The following SPECC1 variants were observed in gnomAD, a reference collection of about 807,000 sequenced individuals.
The protein encoded by SPECC1 is cytospin-B.
A neutral mutation model predicts 104.1 loss-of-function variants in SPECC1; 62 were observed. The ratio of observed to expected loss-of-function variants is 0.60; its 90% CI spans 0.49 to 0.74. The LOEUF (loss-of-function observed/expected upper bound fraction) is 0.74. Among genes scored for constraint, SPECC1 ranks in the 30% least tolerant of loss-of-function variants. SPECC1 has a pLI of 0.00. For synonymous variants in SPECC1, 513 were observed against 501.6 expected, an observed-to-expected ratio of 1.02 and a Z score of -0.30; for missense variants, 1,306 against 1,310.5, an observed-to-expected ratio of 1.00 and a Z score of 0.05.
At chr17:20,180,182 A>T (rs2034773737) in intron 3 of SPECC1, among the ~76,000 whole-genome samples, 1 of 152,184 alleles carries the variant, frequency 6.6e-6, no homozygotes, top group African/African-American at 2.4e-5. Flanking sequence ...GGAAGGAATA[A>T]AGAGAAGTAA....
chr17:20,109,704 C>T (rs1426143660), intron 2 of SPECC1, among the ~76,000 whole-genome samples: 1 of 152,140 alleles, frequency 6.6e-6, no homozygotes, highest in Non-Finnish European at 1.5e-5. Context: ...TTGTTTCTCT[C>T]CCTCCACCTC....
chr17:20,165,006 T>A (rs1045183015), intron 3 of SPECC1, among the ~76,000 whole-genome samples: 2 of 152,162 alleles, frequency 1.3e-5, no homozygotes, highest in African/African-American at 4.8e-5. Context: ...GTATCTTTTT[T>A]AAAAAAATTA....
chr17:20,266,090 GT>G (rs1357373948), intron 12 of SPECC1, among the ~76,000 whole-genome samples: 1 of 152,148 alleles, frequency 6.6e-6, no homozygotes, highest in Non-Finnish European at 1.5e-5. Flanking sequence ...TTTTAGAATA[GT>G]TTTTTCTAAT....
At chr17:20,283,866 G>A (rs2040856741) in intron 12 of SPECC1, among the ~76,000 whole-genome samples, 1 of 152,148 alleles carries the variant, frequency 6.6e-6, no homozygotes, top group South Asian at 2.1e-4. Context: ...TAGGATTATA[G>A]GCATGAGCTA....
rs1210139280 is a variant in SPECC1, at chr17:20,169,526, AT to A, written c.284-34794del. 2.7e-3 allele frequency among the ~76,000 whole-genome samples: 389 copies of A among 146,008 alleles called. 2 individuals carry two copies. Among genetic ancestry groups the A allele is most frequent in the African/African-American group, 5.5e-3 (221 of 40,204 alleles). On this transcript the variant is annotated intron_variant, in intron 3 of 14. Transcript: ENST00000395527. ...GGTTTTTCTAAATCTTCCTTTTGGA[AT>A]TTTTTTTTTTTTAACATGAAAGGTG...
At chr17:20,034,046 A>G in intron 1 of SPECC1, among the ~76,000 whole-genome samples, 1 of 152,086 alleles carries the variant, frequency 6.6e-6, no homozygotes, top group Non-Finnish European at 1.5e-5. Flanking sequence ...TACTAATACA[A>G]TTAAATTCTG....
chr17:20,217,918 G>T (rs1274475180), intron 4 of SPECC1, among the ~76,000 whole-genome samples: 1 of 152,004 alleles, frequency 6.6e-6, no homozygotes, highest in Non-Finnish European at 1.5e-5. Flanking sequence ...TATAGTCCTG[G>T]CTCTGAGGGA....
At chr17:20,151,755 A>G (rs1399859398) in intron 3 of SPECC1, among the ~76,000 whole-genome samples, 2 of 152,188 alleles carry the variant, frequency 1.3e-5, no homozygotes, top group Non-Finnish European at 2.9e-5. Context: ...ACTGCTTTTT[A>G]AAATTATCCA....
chr17:20,215,536 A>T (rs992620897), intron 4 of SPECC1, among the ~76,000 whole-genome samples: 3 of 152,242 alleles, frequency 2.0e-5, no homozygotes, highest in Non-Finnish European at 4.4e-5. Flanking sequence ...GAATTTACTC[A>T]GAACTTATTA....
At chr17:20,093,068 C>A (rs2047474905) in intron 1 of SPECC1, among the ~76,000 whole-genome samples, 1 of 152,216 alleles carries the variant, frequency 6.6e-6, no homozygotes, top group African/African-American at 2.4e-5. Context: ...GTTTCCCCAC[C>A]TGTGAAATGG....
chr17:20,159,922 G>A (rs1243144730), intron 3 of SPECC1, among the ~76,000 whole-genome samples: 1 of 152,112 alleles, frequency 6.6e-6, no homozygotes, highest in Non-Finnish European at 1.5e-5. Context: ...GGCCTGGCAG[G>A]GTTGTAGCAA....
chr17:20,269,511 C>G (rs1001250638), intron 12 of SPECC1, among the ~76,000 whole-genome samples: 3 of 152,152 alleles, frequency 2.0e-5, no homozygotes, highest in Admixed American at 1.3e-4. Flanking sequence ...CCACAACCTC[C>G]GCTCCCGGGT....
At chr17:20,222,199 G>T (rs1434465634) in intron 4 of SPECC1, among the ~76,000 whole-genome samples, 1 of 152,024 alleles carries the variant, frequency 6.6e-6, no homozygotes. Context: ...TGGGTGTGGT[G>T]GCATGCACCT....
In SPECC1 at chr17:20,204,464, A is replaced by G. The variant is rs1379030400; in HGVS notation, c.415A>G (p.Asn139Asp). ...RKSVSSPTSS[N>D]TPTPTKHLRT... The stretch of plus-strand genomic sequence containing the variant: ...ATCAGTGTCCAGTCCAACTTCTTCC[A>G]ACACTCCCACTCCTACGAAACACCT... Residue 139 changes from asparagine to aspartate, a missense_variant, in exon 4 of 15, where the codon AAC becomes GAC. By Grantham distance (23) the Asn-to-Asp change is conservative. This residue lies in a region of SPECC1 where 1,177 missense variants were observed against 1,139.9 expected (regional missense o/e 1.03). Transcript: ENST00000395527. 1 of 1,614,056 alleles carries G rather than the reference A, an allele frequency of 6.2e-7. No homozygotes were observed. The highest frequency in any genetic ancestry group is 1.7e-5 in the Admixed American group (1 of 59,996).
intron 3 of SPECC1, among the ~76,000 whole-genome samples, chr17:20,129,206 G>C (rs1443989242): frequency 6.9e-6 from 1 of 144,178 alleles, no homozygotes; most frequent in Non-Finnish European, 1.5e-5. Flanking sequence ...TTTTTTTTGA[G>C]ACGGAGTCTC....
intron 2 of SPECC1, 85 bp from the exon 3 acceptor site, chr17:20,110,342 C>T: frequency 6.8e-7 from 1 of 1,476,702 alleles, no homozygotes; most frequent in Non-Finnish European, 9.1e-7. Context: ...GGGCACATAG[C>T]CCAGCTCCCA....
At chr17:20,063,529 A>G (rs773530087) in intron 1 of SPECC1, among the ~76,000 whole-genome samples, 20 of 152,144 alleles carry the variant, frequency 1.3e-4, no homozygotes, top group Admixed American at 8.5e-4. Flanking sequence ...TGTTTAATTA[A>G]TTGCCGTTTT....
rs530058342 is a variant in SPECC1, at chr17:20,025,519, A to C, written c.-22+16095A>C. ...ACTTAGCATAAGGTTTCCGAGATTCATCCTTGTAGCATGTAGCTGGATGTC... is the reference window on the plus strand; with the variant it reads ...ACTTAGCATAAGGTTTCCGAGATTCCTCCTTGTAGCATGTAGCTGGATGTC... On this transcript the variant is annotated intron_variant, in intron 1 of 14. Coordinates refer to ENST00000395527, the MANE Select transcript of SPECC1 (RefSeq NM_001243439.2). Among the ~76,000 whole-genome samples, 112 of 152,288 alleles carry C rather than the reference A, an allele frequency of 7.4e-4. 1 individual carries two copies. In the South Asian group the frequency reaches 8.7e-3, roughly 12 times the overall value.
At chr17:20,155,674 T>G (rs1286394787) in intron 3 of SPECC1, 1 of 156,804 alleles carries the variant, frequency 6.4e-6, no homozygotes, top group Non-Finnish European at 1.4e-5. Flanking sequence ...GTTTCTCTTG[T>G]CCTGATAGGT....
Sources: allele counts gnomAD v4.1 joint callset (sites outside exome capture counted in the v4.1 genomes callset), GRCh38; gene constraint gnomAD v4.1.1; regional missense constraint gnomAD v4.1.1; transcripts MANE v1.5; gene names NCBI Gene and HGNC (gene_info 2026-07-23, HGNC 2026-07-21).